DMD: variants seen among roughly 807,000 people sequenced by gnomAD.
The protein encoded by DMD is mutant dystrophin.
In DMD, 63 loss-of-function variants were observed where a neutral mutation model predicts 330.1. The observed-to-expected ratio is 0.19, with a 90% CI of 0.16 to 0.24. The LOEUF (loss-of-function observed/expected upper bound fraction) is 0.24, where lower values mean the gene tolerates loss of function less well. DMD is among the 10% of genes least tolerant of loss of function. The probability of loss-of-function intolerance (pLI) is 1.00; values close to 1 mark genes in which losing one functional copy is unlikely to be tolerated. For missense variants in DMD, 3,344 were observed against 2,684.1 expected, an observed-to-expected ratio of 1.25 and a Z score of -5.43; for synonymous variants, 1,223 against 959.8, an observed-to-expected ratio of 1.27 and a Z score of -5.07.
chrX:31,284,584 C>CTTCT (rs2052967398), intron 62 of DMD, among the ~76,000 whole-genome samples: 1 of 96,589 alleles, frequency 1.0e-5, no homozygotes, highest in African/African-American at 4.1e-5. Flanking sequence ...TCTTCTTCTT[C>CTTCT]TTCTTCTTCT....
At chrX:31,187,100 C>G (rs1432589902) in intron 67 of DMD, among the ~76,000 whole-genome samples, 1 of 110,428 alleles carries the variant, frequency 9.1e-6, no homozygotes, top group Non-Finnish European at 1.9e-5. Flanking sequence ...CTGTGTCTTA[C>G]TTTTTCTCTG....
intron 2 of DMD, among the ~76,000 whole-genome samples, chrX:32,903,117 C>A (rs1321635269): frequency 8.6e-5 from 7 of 81,671 alleles, no homozygotes; most frequent in African/African-American, 3.4e-4. Context: ...TGCAGCCCAG[C>A]CTGGGCGACA....
intron 60 of DMD, among the ~76,000 whole-genome samples, chrX:31,397,970 T>C (rs781429931): frequency 2.7e-5 from 3 of 112,400 alleles, no homozygotes; most frequent in East Asian, 2.8e-4. Flanking sequence ...AAAAGAACAA[T>C]TGACCTTGCG....
At chrX:32,211,387 T>C (rs999858769) in intron 44 of DMD, among the ~76,000 whole-genome samples, 2 of 112,295 alleles carry the variant, frequency 1.8e-5, no homozygotes, top group African/African-American at 3.2e-5. Context: ...TGAATAAATT[T>C]TTACTTTCAT....
intron 56 of DMD, 94 bp from the exon 57 acceptor site, chrX:31,497,038 TGA>T: frequency 2.9e-6 from 3 of 1,048,669 alleles, no homozygotes; most frequent in Non-Finnish European, 3.9e-6. Flanking sequence ...AAACCTATTG[TGA>T]ACTACAAAGC....
chrX:33,303,779 T>C (rs952545240), intron 1 of DMD, among the ~76,000 whole-genome samples: 1 of 111,758 alleles, frequency 8.9e-6, no homozygotes, highest in Non-Finnish European at 1.9e-5. Context: ...ATTGTAAGTT[T>C]CCTGAGGCCT....
At chrX:32,157,071 G>C (rs756096229) in intron 44 of DMD, among the ~76,000 whole-genome samples, 1 of 112,395 alleles carries the variant, frequency 8.9e-6, no homozygotes, top group Non-Finnish European at 1.9e-5. Context: ...AATATCTGCA[G>C]ATTATGATGT....
At position 32,943,115 on chromosome X, in the gene DMD, C is replaced by T. The variant is rs183554105; in HGVS notation, c.93+77024G>A. 6.3e-5 allele frequency among the ~76,000 whole-genome samples: 7 copies of T among 111,024 alleles called. No individual in the cohort carries two copies. The East Asian group carries it at 1.7e-3, about 27-fold the overall frequency. ...TAAACATGTTATTACAGATTTGTCA[C>T]GCATTAGAAAAAGAGAATGACTCAA... On this transcript the variant is annotated intron_variant, in intron 2 of 78. Transcript: ENST00000357033.
At chrX:32,044,710 C>A (rs1384719427) in intron 44 of DMD, among the ~76,000 whole-genome samples, 1 of 111,878 alleles carries the variant, frequency 8.9e-6, no homozygotes, top group African/African-American at 3.3e-5. Context: ...GCGTGAGCCT[C>A]CGCACCCAGC....
chrX:32,246,334 G>A (rs1227243039), intron 43 of DMD, among the ~76,000 whole-genome samples: 1 of 101,677 alleles, frequency 9.8e-6, no homozygotes, highest in Non-Finnish European at 2.0e-5. Context: ...TGGTGGATAA[G>A]CTTTTTGATG....
At chrX:31,989,930 A>G (rs1469216567) in intron 44 of DMD, among the ~76,000 whole-genome samples, 1 of 111,159 alleles carries the variant, frequency 9.0e-6, no homozygotes, top group Non-Finnish European at 1.9e-5. Flanking sequence ...ATAGTACCCA[A>G]CAGGAAGTTT....
At chrX:31,344,241 A>C (rs1013783995) in intron 61 of DMD, among the ~76,000 whole-genome samples, 1 of 111,879 alleles carries the variant, frequency 8.9e-6, no homozygotes, top group South Asian at 3.8e-4. Flanking sequence ...TACGAATGTA[A>C]ACATTCTTTA....
chrX:32,818,245 T>A (rs975260773), intron 5 of DMD, among the ~76,000 whole-genome samples: 2 of 111,821 alleles, frequency 1.8e-5, no homozygotes, highest in African/African-American at 6.5e-5. Context: ...CAGTCTGCCC[T>A]CTATGTGCAT....
chrX:33,255,160 T>G (rs1386240329), intron 1 of DMD, among the ~76,000 whole-genome samples: 1 of 110,982 alleles, frequency 9.0e-6, no homozygotes, highest in African/African-American at 3.2e-5. Context: ...AAGAAAAACT[T>G]AAGACATTGA....
intron 12 of DMD, among the ~76,000 whole-genome samples, chrX:32,608,455 G>T (rs2056910846): frequency 9.1e-6 from 1 of 110,349 alleles, no homozygotes; most frequent in South Asian, 3.7e-4. Flanking sequence ...GCACTATTAA[G>T]ATATTTGCAT....
At chrX:31,855,537 CAAAGA>C (rs1603501060) in intron 48 of DMD, among the ~76,000 whole-genome samples, 1 of 111,517 alleles carries the variant, frequency 9.0e-6, no homozygotes, top group African/African-American at 3.3e-5. Flanking sequence ...TCATTAAAAG[CAAAGA>C]AAAGAGCAAT....
chrX:31,774,255 G>T, intron 50 of DMD, 63 bp from the exon 51 acceptor site: 1 of 793,324 alleles, frequency 1.3e-6, no homozygotes, highest in Non-Finnish European at 1.9e-6. Flanking sequence ...AGAAACACAA[G>T]CTAAAGAGCC....
chrX:31,479,040 T>C lies in DMD; in HGVS notation c.8611A>G (p.Ile2871Val). The change falls in exon 58 of 79, where the codon ATA becomes GTA. Residue 2871 changes from isoleucine to valine, a missense_variant. Transcript: ENST00000357033. ...TCCAAAGGCTGCTCTGTCAGAAATA[T>C]TCGTACAGTCTCAAGAGTACTCATG... is the stretch of plus-strand genomic sequence containing the variant. ...VIMSTLETVR[I>V]FLTEQPLEGL... 7.4e-6 allele frequency: 9 copies of C among 1,208,745 alleles called. No individual in the cohort carries two copies. Among genetic ancestry groups the C allele is most frequent in the Non-Finnish European group, 1.0e-5 (9 of 892,906 alleles).
At chrX:31,259,648 T>C (rs1318720477) in intron 63 of DMD, among the ~76,000 whole-genome samples, 2 of 112,304 alleles carry the variant, frequency 1.8e-5, no homozygotes, top group Non-Finnish European at 3.7e-5. Flanking sequence ...TTTTCCTTTT[T>C]CATGTTTTTT....
Sources: allele counts gnomAD v4.1 joint callset (sites outside exome capture counted in the v4.1 genomes callset), GRCh38; gene constraint gnomAD v4.1.1; transcripts MANE v1.5; gene names NCBI Gene and HGNC (gene_info 2026-07-23, HGNC 2026-07-21).